The following SIPA1L3 variants were observed in gnomAD, a reference collection of about 807,000 sequenced individuals.
SIPA1L3 encodes the protein signal induced proliferation associated 1 like 3.
A neutral mutation model predicts 150.1 loss-of-function variants in SIPA1L3; 59 were observed. That is an observed-to-expected ratio of 0.39 (90% confidence interval 0.32 to 0.49). The LOEUF (loss-of-function observed/expected upper bound fraction) is 0.49, where lower values mean the gene tolerates loss of function less well. SIPA1L3 is among the 20% of genes least tolerant of loss of function. The probability of loss-of-function intolerance (pLI) is 0.86; values close to 1 mark genes in which losing one functional copy is unlikely to be tolerated. For synonymous variants in SIPA1L3, 1,070 were observed against 1,077.6 expected (o/e 0.99, Z 0.14); for missense variants, 2,211 against 2,489.5 (o/e 0.89, Z 2.38).
intron 1 of SIPA1L3, among the ~76,000 whole-genome samples, chr19:37,987,370 T>C (rs1345945387): frequency 2.0e-5 from 3 of 152,160 alleles, no homozygotes; most frequent in Non-Finnish European, 2.9e-5. Context: ...GCTGCATTTT[T>C]CCCAGACCCC....
chr19:38,165,103 G>A (rs1381175353), intron 15 of SIPA1L3, among the ~76,000 whole-genome samples, 197 bp downstream of exon 15: 1 of 152,192 alleles, frequency 6.6e-6, no homozygotes, highest in Non-Finnish European at 1.5e-5. Context: ...GGGACCCCAG[G>A]TGGAGGGAAA....
chr19:38,203,893 C>T (rs1217390862), intron 20 of SIPA1L3: 18 of 537,526 alleles, frequency 3.3e-5, no homozygotes, highest in South Asian at 3.3e-4. Context: ...GGCAGCCACC[C>T]TTCCCCTGGC....
intron 1 of SIPA1L3, among the ~76,000 whole-genome samples, chr19:38,019,193 G>A (rs2145697524): frequency 6.6e-6 from 1 of 152,336 alleles, no homozygotes; most frequent in Middle Eastern, 3.4e-3. Context: ...TAAACTCAGT[G>A]GAAGGCAGTT....
At chr19:38,062,724 G>T (rs78635865) in intron 2 of SIPA1L3, among the ~76,000 whole-genome samples, 1 of 151,940 alleles carries the variant, frequency 6.6e-6, no homozygotes, top group African/African-American at 2.4e-5. Flanking sequence ...GGGCTCAAGC[G>T]GTTCTCCTGC....
chr19:38,197,880 C>T (rs1003528275), intron 18 of SIPA1L3, among the ~76,000 whole-genome samples: 4 of 150,408 alleles, frequency 2.7e-5, no homozygotes, highest in Non-Finnish European at 5.9e-5. Context: ...AAATCCCCCC[C>T]CAAACACACA....
chr19:37,944,133 C>G (rs2145534113), intron 1 of SIPA1L3, among the ~76,000 whole-genome samples: 1 of 152,108 alleles, frequency 6.6e-6, no homozygotes, highest in African/African-American at 2.4e-5. Flanking sequence ...AAAAAATTAG[C>G]CAGGTGCAGA....
chr19:38,123,151 C>T (rs1292896431), intron 9 of SIPA1L3, among the ~76,000 whole-genome samples: 1 of 152,148 alleles, frequency 6.6e-6, no homozygotes, highest in African/African-American at 2.4e-5. Context: ...TCTTGCGTCT[C>T]TTGCTCACAA....
rs970697091 is a variant in SIPA1L3 at position 38,082,529 on chromosome 19, G to A, written c.964G>A (p.Asp322Asn). 10 of 1,598,560 alleles carry A rather than the reference G, an allele frequency of 6.3e-6. No individual in the cohort carries two copies. Among genetic ancestry groups the A allele is most frequent in the African/African-American group, 1.3e-5 (1 of 74,708 alleles). ...GGCTGGGCGTTCCCCGGGGGAGGCC[G>A]ACGAGGGCCGGAGCCCCCCGGAAGC... ...GEAGRSPGEADEGRSPPEASR... is the reference protein window; with the variant it reads ...GEAGRSPGEANEGRSPPEASR... The change falls in exon 3 of 22, where the codon GAC (aspartate) becomes AAC (asparagine). Residue 322 changes from aspartate (D) to asparagine (N), a missense_variant. By Grantham distance (23) the Asp-to-Asn change is conservative. Around this residue, in one of 5 missense-constraint regions of SIPA1L3, gnomAD observed 587 missense variants for 534.5 expected, o/e 1.10. Coordinates refer to ENST00000222345, the MANE Select transcript of SIPA1L3 (RefSeq NM_015073.3).
In SIPA1L3 at chr19:38,163,743, G is replaced by A. The variant is rs1171996269; in HGVS notation, c.3781-736G>A. Among the ~76,000 whole-genome samples the A allele has an allele frequency of 5.3e-5, 8 of 152,190 alleles. No homozygotes were observed. The East Asian group carries it at 1.2e-3, about 22-fold the overall frequency. On this transcript the variant is annotated intron_variant, in intron 14 of 21. Transcript: ENST00000222345. ...AGGGGGCCACCATGGCCACAGCAAC[G>A]TGATCGGGAGGGAGGGGAGATGAAG... is the stretch of plus-strand genomic sequence containing the variant.
intron 1 of SIPA1L3, among the ~76,000 whole-genome samples, chr19:37,971,518 T>A (rs1023888034): frequency 6.6e-6 from 1 of 151,930 alleles, no homozygotes; most frequent in African/African-American, 2.4e-5. Flanking sequence ...TAATGCAGTA[T>A]CCATTTCTGT....
At chr19:38,014,102 T>G (rs138489996) in intron 1 of SIPA1L3, among the ~76,000 whole-genome samples, 1 of 152,334 alleles carries the variant, frequency 6.6e-6, no homozygotes, top group East Asian at 1.9e-4. Context: ...AGAGTAAACT[T>G]CACCCACTGG....
At chr19:38,183,820 G>A (rs1040694164) in intron 16 of SIPA1L3, among the ~76,000 whole-genome samples, 10 of 152,188 alleles carry the variant, frequency 6.6e-5, no homozygotes, top group African/African-American at 2.4e-4. Flanking sequence ...GTGCGGAGGC[G>A]GGGCCAGGGC....
At chr19:38,187,037 A>G (rs1033000689) in intron 16 of SIPA1L3, among the ~76,000 whole-genome samples, 12 of 149,464 alleles carry the variant, frequency 8.0e-5, no homozygotes, top group Non-Finnish European at 1.5e-4. Context: ...AATCACAACC[A>G]GATGCAGTGT....
chr19:38,172,921 G>A (rs1320418362), intron 15 of SIPA1L3, among the ~76,000 whole-genome samples: 1 of 152,024 alleles, frequency 6.6e-6, no homozygotes, highest in Non-Finnish European at 1.5e-5. Context: ...ACCAGCCTGA[G>A]CAACATGGCA....
intron 10 of SIPA1L3, among the ~76,000 whole-genome samples, chr19:38,138,452 C>T (rs1347900482): frequency 1.3e-5 from 2 of 152,100 alleles, no homozygotes; most frequent in Non-Finnish European, 1.5e-5. Context: ...CTCACGTAGC[C>T]GACAAGACTA....
chr19:37,932,544 T>G (rs952374502), intron 1 of SIPA1L3: 1 of 152,168 alleles, frequency 6.6e-6, no homozygotes, highest in Non-Finnish European at 1.5e-5. Flanking sequence ...CACAGCGGGC[T>G]GGGGGCGGGC....
chr19:38,021,664 C>T (rs150693795), intron 1 of SIPA1L3, among the ~76,000 whole-genome samples: 3,250 of 152,164 alleles, frequency 0.021, 63 homozygotes, highest in Middle Eastern at 0.038. Flanking sequence ...GCCTCAGCCT[C>T]CCAAGTAGCT....
chr19:37,938,745 C>T (rs1426176178), intron 1 of SIPA1L3, among the ~76,000 whole-genome samples: 1 of 151,592 alleles, frequency 6.6e-6, no homozygotes, highest in Non-Finnish European at 1.5e-5. Context: ...GCCTCAGCCT[C>T]ACGAGTAGTT....
intron 12 of SIPA1L3, among the ~76,000 whole-genome samples, chr19:38,146,015 G>A (rs551349229): frequency 3.3e-5 from 5 of 152,148 alleles, no homozygotes; most frequent in East Asian, 3.9e-4. Flanking sequence ...GGCATGCACC[G>A]CCACACCCAG....
Sources: gnomAD v4.1 joint callset for allele counts (sites outside exome capture counted in the v4.1 genomes callset) on GRCh38, gnomAD v4.1.1 for gene constraint, gnomAD v4.1.1 regional missense constraint, MANE v1.5 for transcripts, NCBI Gene and HGNC (gene_info 2026-07-23, HGNC 2026-07-21) for gene names.